VARS2: variants seen among roughly 807,000 people sequenced by gnomAD.
VARS2 encodes valine--tRNA ligase, mitochondrial.
In VARS2, 105 loss-of-function variants were observed where a neutral mutation model predicts 154.1. The ratio of observed to expected loss-of-function variants is 0.68; its 90% confidence interval spans 0.58 to 0.80. VARS2 has a LOEUF of 0.80. Among genes scored for constraint, VARS2 ranks in the 30% least tolerant of loss-of-function variants. VARS2 has a pLI of 0.00. For missense variants in VARS2, 1,157 were observed against 1,361.4 expected, an observed-to-expected ratio of 0.85 and a Z score of 2.36; for synonymous variants, 483 against 539.5, an observed-to-expected ratio of 0.90 and a Z score of 1.45.
chr6:30,923,371 A>G lies in VARS2; in HGVS notation c.2332A>G (p.Met778Val). Reference protein sequence around the residue: ...PAEELSPSSPMDAWILSRLAL... With the variant: ...PAEELSPSSPVDAWILSRLAL... ...CCTGCAGCTGTCTCCCTCCTCCCCG[A>G]TGGATGCCTGGATCCTGAGCCGCCT... The change falls in exon 25 of 30, where the codon ATG becomes GTG. Residue 778 changes from methionine (M) to valine (V), a missense_variant. Transcript: ENST00000676266. 6.2e-7 allele frequency: 1 copy of G among 1,611,148 alleles called. No individual in the cohort carries two copies. The highest frequency in any genetic ancestry group is 2.2e-5 in the East Asian group (1 of 44,810).
At chr6:30,924,702 G>C (rs1484505021) in intron 26 of VARS2, 142 bp downstream of exon 26, 2 of 606,248 alleles carry the variant, frequency 3.3e-6, no homozygotes, top group Non-Finnish European at 5.8e-6. Flanking sequence ...GTTCCTGCAG[G>C]GTTGCTGCGA....
At chr6:30,923,897 G>A (rs930715087) in intron 25 of VARS2, 5 of 356,270 alleles carry the variant, frequency 1.4e-5, no homozygotes, top group Non-Finnish European at 2.6e-5. Context: ...TACGTCCAAA[G>A]CACCTGGAGG....
chr6:30,915,425 ACG>A lies in VARS2; in HGVS notation c.355_356del (p.Glu120GlyfsTer88). ...AGGCTGCCTGGTACCCGTGGTGGGT[ACG>A]AGAGGGCTTCTTCAAACCAGAATAT... ...VEAAWYPWWV[R>X]EGFFKPEYQA... On this transcript the variant is annotated frameshift_variant, in exon 4 of 30. Coordinates refer to ENST00000676266, the MANE Select transcript of VARS2 (RefSeq NM_020442.6). LOFTEE classifies it high-confidence loss of function. The A allele has an allele frequency of 6.2e-7, 1 of 1,614,142 alleles. No individual in the cohort carries two copies. Among genetic ancestry groups the A allele is most frequent in the Non-Finnish European group, 8.5e-7 (1 of 1,180,014 alleles).
In VARS2 at chr6:30,920,067, C is replaced by T. The variant is rs779063642; in HGVS notation, c.1166-22C>T. 6 of 1,523,366 alleles carry T rather than the reference C, an allele frequency of 3.9e-6. No homozygotes were observed. Among genetic ancestry groups the T allele is most frequent in the Non-Finnish European group, 5.3e-6 (6 of 1,136,512 alleles). 94.4% of individuals were successfully genotyped at this position (1,523,366 alleles called of 1,614,324 possible). A position where few individuals can be genotyped will look rare whatever the true frequency, so the allele number is the denominator to read the frequency against. On this transcript the variant is annotated intron_variant, in intron 12 of 29. Coordinates refer to ENST00000676266, the MANE Select transcript of VARS2 (RefSeq NM_020442.6). The surrounding 1 kb of genome is among the most constrained non-coding windows in gnomAD (Gnocchi z 4.6). ...AAAAGCCAAGGTCAGGTTCAGTACT[C>T]ACCATGGCTGTGCTCCCCAAGGGGC...
rs758284428 is a variant in VARS2 at position 30,917,130 on chromosome 6, C to T, written c.779C>T (p.Ala260Val). 6.2e-7 allele frequency: 1 copy of T among 1,614,176 alleles called. No individual in the cohort carries two copies. Among genetic ancestry groups the T allele is most frequent in the East Asian group, 2.2e-5 (1 of 44,880 alleles). Reference sequence around the variant, plus strand: ...GGCTCCTCAGTGGCTGTGACTGAAGCTTTTGTGCGGCTCTACAAGGCGGGG... The same window carrying T: ...GGCTCCTCAGTGGCTGTGACTGAAGTTTTTGTGCGGCTCTACAAGGCGGGG... ...DVGSSVAVTEAFVRLYKAGLL... is the reference protein window; with the variant it reads ...DVGSSVAVTEVFVRLYKAGLL... Residue 260 changes from alanine to valine, a missense_variant, in exon 9 of 30, where the codon GCT becomes GTT. Coordinates refer to ENST00000676266, the MANE Select transcript of VARS2 (RefSeq NM_020442.6). This position sits in a 1 kb window ranked among gnomAD's most constrained non-coding sequence, Gnocchi z 4.4.
rs1183611645 is a variant in VARS2, at chr6:30,921,698, G to T, written c.1735+7G>T. 3.1e-6 allele frequency: 5 copies of T among 1,597,592 alleles called. No individual in the cohort carries two copies. Among genetic ancestry groups the T allele is most frequent in the Non-Finnish European group, 4.3e-6 (5 of 1,173,666 alleles). On this transcript the variant is annotated splice_region_variant and intron_variant, in intron 18 of 29. Transcript: ENST00000676266. The surrounding 1 kb of genome is among the most constrained non-coding windows in gnomAD (Gnocchi z 4.6). ...GAGCTGACCCTGGAGAGGGGTGAGT[G>T]CCTGAGCTGGGGAGGGATGTACAGG...
Position 30,921,664 on chromosome 6 carries a change from C to A in VARS2, c.1708C>A (p.Pro570Thr), listed in dbSNP as rs1794521840. ...REVAAELTGR[P>T]GAELTLERDP... Reference sequence around the variant, plus strand: ...GGTAGCAGCGGAACTGACAGGGAGGCCAGGGGCAGAGCTGACCCTGGAGAG... The same window carrying A: ...GGTAGCAGCGGAACTGACAGGGAGGACAGGGGCAGAGCTGACCCTGGAGAG... The change falls in exon 18 of 30, where the codon CCA (proline) becomes ACA (threonine). Residue 570 changes from proline (P) to threonine (T), a missense_variant. By Grantham distance (38) the Pro-to-Thr change is conservative. Coordinates refer to ENST00000676266, the MANE Select transcript of VARS2 (RefSeq NM_020442.6). The surrounding 1 kb of genome is among the most constrained non-coding windows in gnomAD (Gnocchi z 4.6). The A allele has an allele frequency of 1.2e-6, 2 of 1,607,744 alleles. No homozygotes were observed. The highest frequency in any genetic ancestry group is 1.7e-6 in the Non-Finnish European group (2 of 1,178,476).
chr6:30,914,453 A>G (rs1045564248), intron 1 of VARS2, 109 bp downstream of exon 1: 1 of 1,300,182 alleles, frequency 7.7e-7, no homozygotes, highest in South Asian at 2.5e-5. Flanking sequence ...TGGGCACTGC[A>G]GGAGGCCCCT....
chr6:30,924,096 A>C (rs1461876610), intron 25 of VARS2: 1 of 571,152 alleles, frequency 1.8e-6, no homozygotes, highest in Non-Finnish European at 3.1e-6. Flanking sequence ...TAAGCAAAAA[A>C]CTCAATGATT....
chr6:30,916,856 A>T lies in VARS2; in HGVS notation c.672-22A>T. On this transcript the variant is annotated intron_variant, in intron 7 of 29. Coordinates refer to ENST00000676266, the MANE Select transcript of VARS2 (RefSeq NM_020442.6). This position sits in a 1 kb window ranked among gnomAD's most constrained non-coding sequence, Gnocchi z 4.0. ...GGAAGTGCTTGGGAAGTGTTTGCTGACAAGGATCTCTCTGGGCACAGGAAA... is the reference window on the plus strand; with the variant it reads ...GGAAGTGCTTGGGAAGTGTTTGCTGTCAAGGATCTCTCTGGGCACAGGAAA... 2.5e-6 allele frequency: 4 copies of T among 1,613,864 alleles called. No individual in the cohort carries two copies. The highest frequency in any genetic ancestry group is 3.4e-6 in the Non-Finnish European group (4 of 1,179,780).
At position 30,919,807 on chromosome 6, in the gene VARS2, C is replaced by T. The variant is rs770928999; in HGVS notation, c.1124C>T (p.Pro375Leu). ...LRHPLMGQPL[P>L]LITDYAVQPH... Reference sequence around the variant, plus strand: ...CACCCCTTGATGGGGCAGCCTCTTCCCCTCATCACAGACTATGCTGTTCAG... The same window carrying T: ...CACCCCTTGATGGGGCAGCCTCTTCTCCTCATCACAGACTATGCTGTTCAG... Residue 375 changes from proline to leucine, a missense_variant, in exon 12 of 30, where the codon CCC (proline) becomes CTC (leucine). Pro to Leu is a moderately conservative substitution (Grantham distance 98). Coordinates refer to ENST00000676266, the MANE Select transcript of VARS2 (RefSeq NM_020442.6). The surrounding 1 kb of genome is among the most constrained non-coding windows in gnomAD (Gnocchi z 4.5). 1.9e-6 allele frequency: 3 copies of T among 1,596,148 alleles called. No individual in the cohort carries two copies. In the South Asian group the frequency reaches 3.3e-5, roughly 18 times the overall value.
rs1794535420 is a variant in VARS2 at position 30,921,887 on chromosome 6, A to G, written c.1736-38A>G. ...GCAGTGGTCTGAGGTCCTAGAAGCC[A>G]AGGTTCCAACTGTCCCCATTCTTTT... On this transcript the variant is annotated intron_variant, in intron 18 of 29. Coordinates refer to ENST00000676266, the MANE Select transcript of VARS2 (RefSeq NM_020442.6). The surrounding 1 kb of genome is among the most constrained non-coding windows in gnomAD (Gnocchi z 4.6). 6.2e-7 allele frequency: 1 copy of G among 1,612,016 alleles called. No individual in the cohort carries two copies. Among genetic ancestry groups the G allele is most frequent in the Admixed American group, 1.7e-5 (1 of 60,010 alleles).
At position 30,920,219 on chromosome 6, in the gene VARS2, G is replaced by A. The variant is rs1293872996; in HGVS notation, c.1293+3G>A. ...CCCTCTGCGGGGACTGGCTGCAGGT[G>A]GTACCACCCTATGTTACCCCATCCT... On this transcript the variant is annotated splice_donor_region_variant and intron_variant, in intron 13 of 29. Coordinates refer to ENST00000676266, the MANE Select transcript of VARS2 (RefSeq NM_020442.6). This position sits in a 1 kb window ranked among gnomAD's most constrained non-coding sequence, Gnocchi z 4.6. 1.3e-6 allele frequency: 2 copies of A among 1,565,052 alleles called. No homozygotes were observed. Among genetic ancestry groups the A allele is most frequent in the Non-Finnish European group, 1.7e-6 (2 of 1,154,706 alleles).
rs777923675 is a variant in VARS2 at position 30,923,364 on chromosome 6, C to T, written c.2325C>T (p.Ser775=). 1.6e-5 allele frequency: 26 copies of T among 1,610,568 alleles called. 1 individual carries two copies. In the Admixed American group the frequency reaches 4.0e-4, roughly 25 times the overall value. The change falls in exon 25 of 30, where the codon TCC becomes TCT. Residue 775 remains serine, a synonymous_variant. Transcript: ENST00000676266. ...VPQPAEELSP[S]SPMDAWILSR... ...CCCTCTGCCTGCAGCTGTCTCCCTCCTCCCCGATGGATGCCTGGATCCTGA... is the reference window on the plus strand; with the variant it reads ...CCCTCTGCCTGCAGCTGTCTCCCTCTTCCCCGATGGATGCCTGGATCCTGA...
Position 30,920,223 on chromosome 6 carries a change from C to A in VARS2, c.1293+7C>A. The A allele has an allele frequency of 6.4e-7, 1 of 1,565,178 alleles. No homozygotes were observed. Among genetic ancestry groups the A allele is most frequent in the South Asian group, 1.2e-5 (1 of 82,664 alleles). Reference sequence around the variant, plus strand: ...CTGCGGGGACTGGCTGCAGGTGGTACCACCCTATGTTACCCCATCCTTTGG... The same window carrying A: ...CTGCGGGGACTGGCTGCAGGTGGTAACACCCTATGTTACCCCATCCTTTGG... On this transcript the variant is annotated splice_region_variant and intron_variant, in intron 13 of 29. Transcript: ENST00000676266. The surrounding 1 kb of genome is among the most constrained non-coding windows in gnomAD (Gnocchi z 4.6).
rs762003271 is a variant in VARS2 at position 30,915,054 on chromosome 6, C to T, written c.201+17C>T. On this transcript the variant is annotated intron_variant, in intron 2 of 29. Transcript: ENST00000676266. ...GAGAGCAAGGTTAGGGGTCAGACAG[C>T]TTGTCCTTGGGTTTCTGAGACTTGA... 2 of 1,612,886 alleles carry T rather than the reference C, an allele frequency of 1.2e-6. No homozygotes were observed. Among genetic ancestry groups the T allele is most frequent in the Non-Finnish European group, 8.5e-7 (1 of 1,179,476 alleles).
At position 30,921,152 on chromosome 6, in the gene VARS2, G is replaced by A; in HGVS notation, c.1556+11G>A. On this transcript the variant is annotated intron_variant, in intron 16 of 29. Coordinates refer to ENST00000676266, the MANE Select transcript of VARS2 (RefSeq NM_020442.6). This position sits in a 1 kb window ranked among gnomAD's most constrained non-coding sequence, Gnocchi z 4.6. ...GTTTTCCCATATTGGGTAAGGGTAG[G>A]GTAAGGGGAGCTCTTGTGGAGATGG... The A allele has an allele frequency of 1.9e-6, 3 of 1,613,982 alleles. No homozygotes were observed. Among genetic ancestry groups the A allele is most frequent in the Non-Finnish European group, 2.5e-6 (3 of 1,179,918 alleles).
At chr6:30,914,451 G>T in intron 1 of VARS2, 107 bp downstream of exon 1, 1 of 1,300,080 alleles carries the variant, frequency 7.7e-7, no homozygotes, top group Non-Finnish European at 9.7e-7. Flanking sequence ...TGTGGGCACT[G>T]CAGGAGGCCC....
Position 30,920,929 on chromosome 6 carries a change from C to T in VARS2, c.1480-136C>T. 1 of 1,183,396 alleles carries T rather than the reference C, an allele frequency of 8.5e-7. No homozygotes were observed. The highest frequency in any genetic ancestry group is 1.2e-6 in the Non-Finnish European group (1 of 854,920). The allele number at this position is 1,183,396 out of a possible 1,614,324, so 73.3% of individuals were successfully genotyped here. ...GCAAGGGCTGGCTCATATCCTTACT[C>T]AAGCCCAGAATCTTGGCAAGAGGCT... is the stretch of plus-strand genomic sequence containing the variant. On this transcript the variant is annotated intron_variant, in intron 15 of 29. Transcript: ENST00000676266. This position sits in a 1 kb window ranked among gnomAD's most constrained non-coding sequence, Gnocchi z 4.6.
Sources: allele counts gnomAD v4.1 joint callset, GRCh38; gene constraint gnomAD v4.1.1; non-coding constraint Gnocchi (gnomAD v3.1); transcripts MANE v1.5; gene names NCBI Gene and HGNC (gene_info 2026-07-23, HGNC 2026-07-21).